The following CDIN1 variants were observed in gnomAD, a reference collection of about 807,000 sequenced individuals.
The protein encoded by CDIN1 is CDAN1-interacting nuclease 1.
A neutral mutation model predicts 45.3 loss-of-function variants in CDIN1; 33 were observed. The ratio of observed to expected loss-of-function variants is 0.73; its 90% CI spans 0.55 to 0.97. CDIN1 has a LOEUF of 0.97. Ranked by LOEUF, CDIN1 falls within the 50% of genes least tolerant of loss-of-function variation. The pLI is 0.00. For synonymous variants in CDIN1, 118 were observed against 124.4 expected, an observed-to-expected ratio of 0.95 and a Z score of 0.34; for missense variants, 303 against 339.4, an observed-to-expected ratio of 0.89 and a Z score of 0.84.
At chr15:36,667,331 G>A (rs896823971) in intron 5 of CDIN1, among the ~76,000 whole-genome samples, 1 of 152,142 alleles carries the variant, frequency 6.6e-6, no homozygotes, top group African/African-American at 2.4e-5. Flanking sequence ...TTTGTAAAAA[G>A]GAGCCTTAAC....
intron 5 of CDIN1, among the ~76,000 whole-genome samples, chr15:36,673,418 G>A (rs950476581): frequency 6.6e-5 from 10 of 152,094 alleles, no homozygotes; most frequent in African/African-American, 2.2e-4. Flanking sequence ...AAAAAAGTAC[G>A]TTTTTAATTA....
chr15:36,781,650 T>C (rs918315014), intron 10 of CDIN1, among the ~76,000 whole-genome samples: 6 of 152,220 alleles, frequency 3.9e-5, no homozygotes, highest in Non-Finnish European at 8.8e-5. Flanking sequence ...TTCAGTCCCA[T>C]AAAGGTTCAG....
At chr15:36,741,923 CT>C (rs1444249949) in intron 10 of CDIN1, among the ~76,000 whole-genome samples, 20 of 152,036 alleles carry the variant, frequency 1.3e-4, no homozygotes, top group African/African-American at 4.8e-4. Flanking sequence ...TAGGAAAGAA[CT>C]TTGTGGAGTA....
rs1434054430 is a variant in CDIN1 at position 36,579,843 on chromosome 15, C to T, written c.-18C>T. 2.5e-6 allele frequency: 4 copies of T among 1,606,974 alleles called. No individual in the cohort carries two copies. The Admixed American group carries it at 5.1e-5, about 20-fold the overall frequency. ...TGTTTTTTCCTTGTTCCCGCCACCT[C>T]CTGGTCCCTGGCCCAACATGATACT... On this transcript the variant is annotated 5_prime_UTR_variant, in exon 1 of 11. Transcript: ENST00000566621.
chr15:36,654,994 A>G (rs1024083168), intron 4 of CDIN1, among the ~76,000 whole-genome samples: 9 of 152,254 alleles, frequency 5.9e-5, no homozygotes, highest in Non-Finnish European at 1.0e-4. Flanking sequence ...AATGGAAAAC[A>G]TAGAAGCAAG....
chr15:36,643,989 T>C (rs2040213052), intron 1 of CDIN1, among the ~76,000 whole-genome samples: 1 of 152,222 alleles, frequency 6.6e-6, no homozygotes. Context: ...TTTAACACCA[T>C]TGCATTCTAC....
At chr15:36,613,928 A>G (rs7163791) in intron 1 of CDIN1, 203,153 of 1,556,568 alleles carry the variant, frequency 0.13, 14,259 homozygotes, top group African/African-American at 0.27. Flanking sequence ...GCAGAGCCCC[A>G]TTGCCGAGAG....
At chr15:36,741,806 T>G (rs771088638) in intron 10 of CDIN1, among the ~76,000 whole-genome samples, 16 of 152,168 alleles carry the variant, frequency 1.1e-4, no homozygotes, top group Non-Finnish European at 1.8e-4. Flanking sequence ...ATGACCTCAT[T>G]GTAACTTAAT....
intron 5 of CDIN1, among the ~76,000 whole-genome samples, chr15:36,672,023 T>C (rs533551438): frequency 6.6e-6 from 1 of 152,268 alleles, no homozygotes; most frequent in African/African-American, 2.4e-5. Context: ...ATGTTGTTTT[T>C]TTCCCCACCA....
intron 10 of CDIN1, among the ~76,000 whole-genome samples, chr15:36,774,163 T>TGCGCGCGCGCGC (rs1555407088): frequency 1.4e-5 from 2 of 143,070 alleles, no homozygotes; most frequent in Non-Finnish European, 3.0e-5. Context: ...TGTGTGTGTG[T>TGCGCGCGCGCGC]GCGCGCGCGC....
chr15:36,602,428 G>A (rs1408375281), intron 1 of CDIN1, among the ~76,000 whole-genome samples: 3 of 152,144 alleles, frequency 2.0e-5, no homozygotes, highest in African/African-American at 7.2e-5. Context: ...AGTGTCTTTG[G>A]TACTTTTGAG....
intron 10 of CDIN1, among the ~76,000 whole-genome samples, chr15:36,725,499 C>CT (rs1326701021): frequency 2.0e-5 from 3 of 152,068 alleles, no homozygotes; most frequent in African/African-American, 7.2e-5. Flanking sequence ...GTTTTATAGT[C>CT]TATCTTTTTG....
At position 36,703,139 on chromosome 15, in the gene CDIN1, G is replaced by A. The variant is rs190864929; in HGVS notation, c.544+5749G>A. Among the ~76,000 whole-genome samples the A allele has an allele frequency of 6.5e-3, 942 of 146,020 alleles. 8 individuals carry two copies. Among genetic ancestry groups the A allele is most frequent in the African/African-American group, 0.023 (894 of 39,352 alleles). On this transcript the variant is annotated intron_variant, in intron 8 of 10. Transcript: ENST00000566621. ...AGGCTGAGATGGGAGAATTGCTTGA[G>A]CCTGGGAGATCAAGGCTGCAGTGAG...
chr15:36,740,169 C>A (rs1183588505), intron 10 of CDIN1, among the ~76,000 whole-genome samples: 1 of 152,116 alleles, frequency 6.6e-6, no homozygotes, highest in Non-Finnish European at 1.5e-5. Flanking sequence ...TTGTTTAAGC[C>A]TACATTTCTT....
At chr15:36,607,782 T>G (rs2038449402) in intron 1 of CDIN1, among the ~76,000 whole-genome samples, 1 of 152,224 alleles carries the variant, frequency 6.6e-6, no homozygotes, top group African/African-American at 2.4e-5. Context: ...TTCACAAACT[T>G]GGGCATCCAT....
intron 10 of CDIN1, among the ~76,000 whole-genome samples, chr15:36,800,905 GTGTGTATA>G (rs1333658303): frequency 4.1e-4 from 9 of 22,106 alleles, no homozygotes; most frequent in African/African-American, 1.1e-3. Flanking sequence ...GTGTGTGTGT[GTGTGTATA>G]TATATATATA....
chr15:36,788,098 ATATATATATTTTTTTTTTT>A (rs1369914873), intron 10 of CDIN1, among the ~76,000 whole-genome samples: 82 of 34,032 alleles, frequency 2.4e-3, no homozygotes, highest in African/African-American at 8.5e-3. Flanking sequence ...ATATATATAT[ATATATATATTTTTTTTTTT>A]TTTTTTTTTT....
intron 10 of CDIN1, among the ~76,000 whole-genome samples, chr15:36,792,555 T>G (rs1378826950): frequency 6.6e-6 from 1 of 151,866 alleles, no homozygotes; most frequent in Non-Finnish European, 1.5e-5. Flanking sequence ...TAGTTTTCAA[T>G]TTTTTTGAAT....
intron 10 of CDIN1, among the ~76,000 whole-genome samples, chr15:36,761,058 G>A (rs72708621): frequency 0.11 from 16,824 of 151,966 alleles, 1,014 homozygotes; most frequent in Non-Finnish European, 0.14. Context: ...TTTTGCCATC[G>A]GTCATTTTAT....
Sources: allele counts gnomAD v4.1 joint callset (sites outside exome capture counted in the v4.1 genomes callset), GRCh38; gene constraint gnomAD v4.1.1; transcripts MANE v1.5; gene names NCBI Gene and HGNC (gene_info 2026-07-23, HGNC 2026-07-21).